SVIL: variants seen among roughly 807,000 people sequenced by gnomAD.
SVIL encodes the protein supervillin, also known as archvillin.
In SVIL, 101 loss-of-function variants were observed where a neutral mutation model predicts 240.4. The observed-to-expected ratio is 0.42, with a 90% CI of 0.36 to 0.50. SVIL has a LOEUF of 0.50. SVIL is among the 20% of genes least tolerant of loss of function. The pLI, the probability that SVIL is intolerant of heterozygous loss-of-function variation, is 0.01. For missense variants in SVIL, 2,512 were observed against 2,818.7 expected, an observed-to-expected ratio of 0.89 and a Z score of 2.46; for synonymous variants, 999 against 1,100.0, an observed-to-expected ratio of 0.91 and a Z score of 1.82.
At chr10:29,469,835 T>A (rs1945351761) in intron 32 of SVIL, among the ~76,000 whole-genome samples, 2 of 152,240 alleles carry the variant, frequency 1.3e-5, no homozygotes, top group South Asian at 4.1e-4. Context: ...GGGGGATATC[T>A]TATCGTCTGA....
At chr10:29,691,395 T>C (rs1423683603) in intron 1 of SVIL, among the ~76,000 whole-genome samples, 1 of 152,044 alleles carries the variant, frequency 6.6e-6, no homozygotes, top group Non-Finnish European at 1.5e-5. Flanking sequence ...GTATTTTTAG[T>C]AGAGACGGTG....
Position 29,700,432 on chromosome 10 carries a change from T to C in SVIL, c.-399-13781A>G, listed in dbSNP as rs561330035. Reference sequence around the variant, plus strand: ...ACACTGCTCAGTGACTCCCCTCCCATAGCTTATAACACAGAGAAGAAATTC... The same window carrying C: ...ACACTGCTCAGTGACTCCCCTCCCACAGCTTATAACACAGAGAAGAAATTC... On this transcript the variant is annotated intron_variant, in intron 1 of 35. Coordinates refer to the SVIL transcript ENST00000375400. 2.0e-5 allele frequency among the ~76,000 whole-genome samples: 3 copies of C among 151,444 alleles called. No homozygotes were observed. In the South Asian group the frequency reaches 6.3e-4, roughly 32 times the overall value.
At chr10:29,662,723 T>C (rs1368857969) in intron 2 of SVIL, among the ~76,000 whole-genome samples, 4 of 152,042 alleles carry the variant, frequency 2.6e-5, no homozygotes, top group African/African-American at 9.7e-5. Flanking sequence ...TGAGCAACAA[T>C]TAAAGTGGGA....
chr10:29,554,951 A>G lies in SVIL; in HGVS notation c.9-17T>C. The G allele has an allele frequency of 6.2e-7, 1 of 1,610,924 alleles. No individual in the cohort carries two copies. Among genetic ancestry groups the G allele is most frequent in the Non-Finnish European group, 8.5e-7 (1 of 1,178,420 alleles). On this transcript the variant is annotated splice_polypyrimidine_tract_variant and intron_variant, in intron 4 of 37. Coordinates refer to ENST00000355867, the MANE Select transcript of SVIL (RefSeq NM_021738.3). ...CTTTCTTTTCTGTGAAATACACCAC[A>G]AGAGGCAGAGTGAGCAACAGCGATC... is the stretch of plus-strand genomic sequence containing the variant.
intron 2 of SVIL, among the ~76,000 whole-genome samples, chr10:29,680,845 G>A (rs1406299629): frequency 6.6e-6 from 1 of 152,106 alleles, no homozygotes; most frequent in Non-Finnish European, 1.5e-5. Context: ...CTTGAACCCA[G>A]GAAGCAGAGA....
chr10:29,557,936 G>A (rs1358637574), intron 3 of SVIL, among the ~76,000 whole-genome samples: 5 of 152,220 alleles, frequency 3.3e-5, no homozygotes, highest in Non-Finnish European at 7.3e-5. Context: ...TGGCTTTGCT[G>A]TGAGCTCTGC....
At chr10:29,705,141 AG>A (rs1373574821) in intron 1 of SVIL, among the ~76,000 whole-genome samples, 1 of 152,192 alleles carries the variant, frequency 6.6e-6, no homozygotes, top group African/African-American at 2.4e-5. Context: ...TGGAAATTAA[AG>A]GAAAAATGCA....
At chr10:29,661,675 AAG>A (rs1183592449) in intron 2 of SVIL, among the ~76,000 whole-genome samples, 1 of 152,216 alleles carries the variant, frequency 6.6e-6, no homozygotes, top group Non-Finnish European at 1.5e-5. Context: ...TTGCATCTGG[AAG>A]AGAGATATGC....
Position 29,481,852 on chromosome 10 carries a change from A to G in SVIL, c.4956-124T>C. The G allele has an allele frequency of 4.8e-6, 4 of 841,358 alleles. 1 individual carries two copies. The highest frequency in any genetic ancestry group is 7.6e-6 in the Non-Finnish European group (4 of 526,942). The allele number at this position is 841,358 out of a possible 1,614,324, so 52.1% of individuals were successfully genotyped here. ...AAAACCTCAAAGTACGTGAGTACAT[A>G]TAAAGTAAATGGTTTATTTTCCTGC... On this transcript the variant is annotated intron_variant, in intron 27 of 37. Transcript: ENST00000355867.
chr10:29,555,174 A>T, intron 3 of SVIL, 66 bp from the exon 4 acceptor site: 1 of 1,422,528 alleles, frequency 7.0e-7, no homozygotes, highest in Non-Finnish European at 9.4e-7. Context: ...TTATTCACTC[A>T]TGCAACGTGT....
At chr10:29,626,234 T>C (rs1589415526) in intron 1 of SVIL, among the ~76,000 whole-genome samples, 1 of 152,304 alleles carries the variant, frequency 6.6e-6, no homozygotes, top group East Asian at 1.9e-4. Flanking sequence ...CAGACACACA[T>C]AACTATGTGA....
At chr10:29,595,536 C>T (rs1284617382) in intron 1 of SVIL, among the ~76,000 whole-genome samples, 1 of 152,140 alleles carries the variant, frequency 6.6e-6, no homozygotes, top group Non-Finnish European at 1.5e-5. Flanking sequence ...GCAAAGAAGG[C>T]GAATTCCATT....
chr10:29,625,571 C>T (rs535746260), intron 1 of SVIL, among the ~76,000 whole-genome samples: 1 of 152,262 alleles, frequency 6.6e-6, no homozygotes, highest in Non-Finnish European at 1.5e-5. Context: ...TCACGCCATT[C>T]TCCTGCCTCA....
intron 2 of SVIL, among the ~76,000 whole-genome samples, chr10:29,669,336 T>C (rs1959582876): frequency 6.6e-6 from 1 of 152,088 alleles, no homozygotes; most frequent in Non-Finnish European, 1.5e-5. Flanking sequence ...AGTGGCCAGT[T>C]TGGCTGGCGT....
rs765628783 is a variant in SVIL at position 29,641,998 on chromosome 10, G to A, written c.-201+15971C>T. Among the ~76,000 whole-genome samples the A allele has an allele frequency of 5.9e-5, 9 of 152,262 alleles. No homozygotes were observed. In the South Asian group the frequency reaches 1.0e-3, roughly 18 times the overall value. On this transcript the variant is annotated intron_variant, in intron 3 of 35. Transcript: ENST00000375400. ...CTCCTATCCTCCCTCCCACCAGCAGGTGACCTGTGCCCAACCATGAGACAC... is the reference window on the plus strand; with the variant it reads ...CTCCTATCCTCCCTCCCACCAGCAGATGACCTGTGCCCAACCATGAGACAC...
chr10:29,597,925 G>A (rs1050565822), intron 1 of SVIL, among the ~76,000 whole-genome samples: 1 of 152,058 alleles, frequency 6.6e-6, no homozygotes, highest in Non-Finnish European at 1.5e-5. Context: ...TAAAAGCAGG[G>A]TGTCACAGAC....
intron 1 of SVIL, among the ~76,000 whole-genome samples, chr10:29,727,943 A>G (rs2132711133): frequency 6.6e-6 from 1 of 152,250 alleles, no homozygotes; most frequent in African/African-American, 2.4e-5. Flanking sequence ...ACCAACCCTG[A>G]GTAAACCTTT....
chr10:29,543,112 T>C (rs573207094), intron 6 of SVIL, among the ~76,000 whole-genome samples: 1 of 152,340 alleles, frequency 6.6e-6, no homozygotes, highest in South Asian at 2.1e-4. Context: ...ATTATTGGAA[T>C]GCTAAGCAAG....
At chr10:29,604,363 C>CTTTTTTT (rs71525560) in intron 1 of SVIL, among the ~76,000 whole-genome samples, 2 of 38,404 alleles carry the variant, frequency 5.2e-5, no homozygotes, top group Non-Finnish European at 5.7e-5. Context: ...CCATGTCTGG[C>CTTTTTTT]TTTTTTTTTT....
Sources: allele counts gnomAD v4.1 joint callset (sites outside exome capture counted in the v4.1 genomes callset), GRCh38; gene constraint gnomAD v4.1.1; transcripts MANE v1.5; gene names NCBI Gene and HGNC (gene_info 2026-07-23, HGNC 2026-07-21).